LRRCC1: variants seen among roughly 807,000 people sequenced by gnomAD.
LRRCC1 encodes the protein leucine rich repeat and coiled-coil centrosomal protein 1, also known as leucine-rich repeat and coiled-coil domain-containing protein 1.
In LRRCC1, 115 loss-of-function variants were observed where a neutral mutation model predicts 126.0. That is an observed-to-expected ratio of 0.91 (90% CI 0.78 to 1.07). The LOEUF (loss-of-function observed/expected upper bound fraction) is 1.07. LRRCC1 is among the 50% of genes least tolerant of loss of function. The pLI is 0.00. For missense variants in LRRCC1, 1,172 were observed against 1,175.7 expected (o/e 1.00, Z 0.05); for synonymous variants, 400 against 393.4 (o/e 1.02, Z -0.20).
intron 3 of LRRCC1, among the ~76,000 whole-genome samples, chr8:85,110,751 C>A (rs963188813): frequency 6.6e-6 from 1 of 152,138 alleles, no homozygotes; most frequent in Non-Finnish European, 1.5e-5. Context: ...TTCTTTTTAT[C>A]TGTAATATAG....
intron 6 of LRRCC1, among the ~76,000 whole-genome samples, chr8:85,115,907 A>G (rs1006737387): frequency 2.6e-5 from 4 of 152,198 alleles, no homozygotes; most frequent in African/African-American, 7.2e-5. Flanking sequence ...CTTTGGACTC[A>G]GTGTTACTTA....
rs1226565963 is a variant in LRRCC1, at chr8:85,138,495, G to T, written c.2840+20G>T. ...ACAAAAGTAAGCATTAGGTTCTAAA[G>T]GATTTGAGATCTCCTTAATCGTAAA... On this transcript the variant is annotated intron_variant, in intron 17 of 18. Transcript: ENST00000360375. The T allele has an allele frequency of 6.3e-7, 1 of 1,598,324 alleles. No homozygotes were observed. Among genetic ancestry groups the T allele is most frequent in the South Asian group, 1.1e-5 (1 of 87,542 alleles).
At chr8:85,111,761 C>T (rs945487339) in intron 3 of LRRCC1, among the ~76,000 whole-genome samples, 3 of 152,082 alleles carry the variant, frequency 2.0e-5, no homozygotes, top group African/African-American at 7.2e-5. Context: ...TACCGTTTCA[C>T]ACCTAGAATA....
chr8:85,136,253 A>C (rs1187831303), intron 14 of LRRCC1, among the ~76,000 whole-genome samples: 2 of 152,194 alleles, frequency 1.3e-5, no homozygotes, highest in East Asian at 3.9e-4. Context: ...ACAAATCAGC[A>C]TCTGAATATA....
In LRRCC1 at chr8:85,109,791, A is replaced by G; in HGVS notation, c.301A>G (p.Lys101Glu). 6.4e-7 allele frequency: 1 copy of G among 1,555,520 alleles called. No homozygotes were observed. The highest frequency in any genetic ancestry group is 8.8e-7 in the Non-Finnish European group (1 of 1,138,266). ...TLNLSCNLIT[K>E]VEGLEELINL... The stretch of plus-strand genomic sequence containing the variant: ...AAATTTGTCCTGCAATTTGATTACA[A>G]AAGTAGAAGGTTTGTAAGTGATTTT... The change falls in exon 2 of 19, where the codon AAA becomes GAA. Residue 101 changes from lysine to glutamate, a missense_variant. Coordinates refer to ENST00000360375, the MANE Select transcript of LRRCC1 (RefSeq NM_033402.5).
At position 85,132,112 on chromosome 8, in the gene LRRCC1, A is replaced by G. The variant is rs1810514364; in HGVS notation, c.1968+151A>G. ...ATTCTTAGAGGCCTTAGTTTCCTCA[A>G]ATAAATAATAGCTACTATTTACTGC... On this transcript the variant is annotated intron_variant, in intron 12 of 18. Transcript: ENST00000360375. 4.7e-6 allele frequency: 3 copies of G among 634,608 alleles called. No individual in the cohort carries two copies. In the East Asian group the frequency reaches 8.7e-5, roughly 18 times the overall value. 39.3% of individuals were successfully genotyped at this position (634,608 alleles called of 1,614,324 possible).
intron 12 of LRRCC1, among the ~76,000 whole-genome samples, chr8:85,134,391 C>T (rs1810707372): frequency 6.6e-6 from 1 of 152,198 alleles, no homozygotes; most frequent in East Asian, 1.9e-4. Flanking sequence ...TATCTCGGCT[C>T]ACTGCAGCCT....
chr8:85,133,084 ACTT>A (rs1045187438), intron 12 of LRRCC1, among the ~76,000 whole-genome samples: 2 of 152,082 alleles, frequency 1.3e-5, no homozygotes, highest in Admixed American at 6.6e-5. Context: ...TGATTTCTCT[ACTT>A]CTCTCTTCTC....
chr8:85,125,238 G>T (rs1192096766), intron 8 of LRRCC1, among the ~76,000 whole-genome samples: 2 of 151,332 alleles, frequency 1.3e-5, no homozygotes, highest in African/African-American at 4.9e-5. Flanking sequence ...ACTTTTTTTG[G>T]GTGTCAGACC....
intron 18 of LRRCC1, among the ~76,000 whole-genome samples, chr8:85,144,248 A>T (rs1029141704): frequency 6.6e-6 from 1 of 151,802 alleles, no homozygotes; most frequent in African/African-American, 2.4e-5. Context: ...TCTATAAGGA[A>T]CTGGTGTTTA....
In LRRCC1 at chr8:85,130,158, C is replaced by T. The variant is rs551243415; in HGVS notation, c.1766+100C>T. Reference sequence around the variant, plus strand: ...GTATTTTTTTTTTTTTTTTTTGAGACGGAGTCTTGCTCTGTCGTCCAGGCT... The same window carrying T: ...GTATTTTTTTTTTTTTTTTTTGAGATGGAGTCTTGCTCTGTCGTCCAGGCT... On this transcript the variant is annotated intron_variant, in intron 11 of 18. Coordinates refer to ENST00000360375, the MANE Select transcript of LRRCC1 (RefSeq NM_033402.5). 61 of 808,456 alleles carry T rather than the reference C, an allele frequency of 7.5e-5. No homozygotes were observed. The Middle Eastern group carries it at 1.5e-3, about 19-fold the overall frequency. The allele number at this position is 808,456 out of a possible 1,614,324, so 50.1% of individuals were successfully genotyped here.
In LRRCC1 at chr8:85,107,266, G is replaced by GT. The variant is rs775531657; in HGVS notation, c.-28dup. The GT allele has an allele frequency of 6.9e-6, 11 of 1,591,022 alleles. No homozygotes were observed. In the East Asian group the frequency reaches 2.5e-4, roughly 36 times the overall value. On this transcript the variant is annotated 5_prime_UTR_variant, in exon 1 of 19. Coordinates refer to ENST00000360375, the MANE Select transcript of LRRCC1 (RefSeq NM_033402.5). ...CTCACGGACCCCTCGCTGGGTGCCG[G>GT]TTAAGACCCCGCTCCCCGTCGCCAG... is the stretch of plus-strand genomic sequence containing the variant.
chr8:85,128,309 AC>A (rs914410431), intron 9 of LRRCC1, among the ~76,000 whole-genome samples: 2 of 152,168 alleles, frequency 1.3e-5, no homozygotes, highest in Non-Finnish European at 2.9e-5. Flanking sequence ...CTTTGGGCAC[AC>A]TTTATCTTTC....
Position 85,107,257 on chromosome 8 carries a change from T to TG in LRRCC1, c.-36dup. ...TGTCCCAAGCTCACGGACCCCTCGC[T>TG]GGGTGCCGGTTAAGACCCCGCTCCC... is the stretch of plus-strand genomic sequence containing the variant. On this transcript the variant is annotated 5_prime_UTR_variant, in exon 1 of 19. Transcript: ENST00000360375. 2 of 1,575,128 alleles carry TG rather than the reference T, an allele frequency of 1.3e-6. No individual in the cohort carries two copies. The highest frequency in any genetic ancestry group is 1.7e-6 in the Non-Finnish European group (2 of 1,159,210).
chr8:85,145,341 T>A, intron 18 of LRRCC1, 48 bp from the exon 19 acceptor site: 1 of 1,380,008 alleles, frequency 7.2e-7, no homozygotes, highest in South Asian at 1.5e-5. Context: ...ATTTTAAAAA[T>A]ACATTTTCTT....
At position 85,126,789 on chromosome 8, in the gene LRRCC1, C is replaced by G. The variant is rs757385518; in HGVS notation, c.1373C>G (p.Ala458Gly). 4 of 1,611,286 alleles carry G rather than the reference C, an allele frequency of 2.5e-6. No individual in the cohort carries two copies. In the Admixed American group the frequency reaches 6.7e-5, roughly 27 times the overall value. ...TATATTGATGAGCTGCATAAACATG[C>G]AAATGAAAAAGAGGATATTCATAGT... ...MDYIDELHKH[A>G]NEKEDIHSLA... is the part of the protein sequence containing the mutation. Residue 458 changes from alanine to glycine, a missense_variant, in exon 9 of 19, where the codon GCA (alanine) becomes GGA (glycine). Physicochemically the swap from Ala to Gly is moderately conservative, Grantham distance 60. Coordinates refer to ENST00000360375, the MANE Select transcript of LRRCC1 (RefSeq NM_033402.5).
At chr8:85,111,048 AC>A (rs1386171349) in intron 3 of LRRCC1, among the ~76,000 whole-genome samples, 1 of 152,190 alleles carries the variant, frequency 6.6e-6, no homozygotes, top group Non-Finnish European at 1.5e-5. Context: ...ATTTTTTAAA[AC>A]CTTTTTTCCT....
In LRRCC1 at chr8:85,137,538, C is replaced by A. The variant is rs771178667; in HGVS notation, c.2404C>A (p.Arg802=). 20 of 1,562,510 alleles carry A rather than the reference C, an allele frequency of 1.3e-5. No individual in the cohort carries two copies. In the East Asian group the frequency reaches 4.5e-4, roughly 35 times the overall value. ...ESLSRENECL[R]KTNESDSDAL... ...TTTATCTAGAGAGAATGAATGTCTG[C>A]GAAAGACAAATGAAAGTGATAGTGA... is the stretch of plus-strand genomic sequence containing the variant. The change falls in exon 15 of 19, where the codon CGA becomes AGA. Residue 802 remains arginine (R), a synonymous_variant. Coordinates refer to ENST00000360375, the MANE Select transcript of LRRCC1 (RefSeq NM_033402.5).
chr8:85,111,215 T>C (rs1434318830), intron 3 of LRRCC1, among the ~76,000 whole-genome samples: 3 of 152,146 alleles, frequency 2.0e-5, no homozygotes, highest in Admixed American at 2.0e-4. Flanking sequence ...CCGTCTCTAC[T>C]AAAAATACAA....
Sources: gnomAD v4.1 joint callset for allele counts (sites outside exome capture counted in the v4.1 genomes callset) on GRCh38, gnomAD v4.1.1 for gene constraint, MANE v1.5 for transcripts, NCBI Gene and HGNC (gene_info 2026-07-23, HGNC 2026-07-21) for gene names.